Variants in KAZN observed in about 807,000 individuals in gnomAD.
KAZN encodes kazrin.
A neutral mutation model predicts 87.4 loss-of-function variants in KAZN; 40 were observed. The ratio of observed to expected loss-of-function variants is 0.46; its 90% CI spans 0.36 to 0.60. KAZN has a LOEUF of 0.60. KAZN is among the 20% of genes least tolerant of loss of function. The pLI is 0.00. For synonymous variants in KAZN, 466 were observed against 458.3 expected, an observed-to-expected ratio of 1.02 and a Z score of -0.22; for missense variants, 898 against 1,073.9, an observed-to-expected ratio of 0.84 and a Z score of 2.29.
chr1:14,151,357 C>T (rs1321258573), intron 1 of KAZN, among the ~76,000 whole-genome samples: 2 of 151,984 alleles, frequency 1.3e-5, no homozygotes, highest in Non-Finnish European at 2.9e-5. Flanking sequence ...AAGGCCATTT[C>T]TTAGCTGTTT....
rs79049640 is a variant in KAZN at position 13,900,206 on chromosome 1, A to G, written c.91+6450A>G. ...TCAGTGGGGAAAACAACTTATTCCAATAGTCCCTTGGGCTGATCAGACTGA... is the reference window on the plus strand; with the variant it reads ...TCAGTGGGGAAAACAACTTATTCCAGTAGTCCCTTGGGCTGATCAGACTGA... On this transcript the variant is annotated intron_variant, in intron 1 of 16. Transcript: ENST00000636203. 1.7e-4 allele frequency among the ~76,000 whole-genome samples: 26 copies of G among 152,236 alleles called. No individual in the cohort carries two copies. The East Asian group carries it at 4.8e-3, about 28-fold the overall frequency.
At chr1:14,881,173 A>T (rs955415933) in intron 1 of KAZN, among the ~76,000 whole-genome samples, 4 of 152,202 alleles carry the variant, frequency 2.6e-5, no homozygotes, top group African/African-American at 9.6e-5. Context: ...TGCTCCACAG[A>T]TTGTGCTCAG....
intron 2 of KAZN, among the ~76,000 whole-genome samples, chr1:15,002,784 T>C (rs1339244836): frequency 6.6e-6 from 1 of 151,926 alleles, no homozygotes; most frequent in Non-Finnish European, 1.5e-5. Flanking sequence ...GAGACCAGCC[T>C]ACCTAAAATG....
chr1:14,022,485 C>CAAAAAAAAAAAAAAAA (rs58713618), intron 1 of KAZN, among the ~76,000 whole-genome samples: 25 of 110,510 alleles, frequency 2.3e-4, no homozygotes, highest in East Asian at 1.4e-3. Flanking sequence ...GTATTTAAAG[C>CAAAAAAAAAAAAAAAA]AAAAAAAAAA....
chr1:14,587,153 G>A (rs1334003454), intron 2 of KAZN, among the ~76,000 whole-genome samples: 1 of 151,990 alleles, frequency 6.6e-6, no homozygotes, highest in Non-Finnish European at 1.5e-5. Context: ...TTGACAAAAG[G>A]GGCCAGGCGC....
intron 1 of KAZN, among the ~76,000 whole-genome samples, chr1:14,753,407 C>A (rs1426595960): frequency 1.3e-5 from 2 of 151,844 alleles, no homozygotes; most frequent in Non-Finnish European, 2.9e-5. Flanking sequence ...TTTCCATTCC[C>A]AGTTTGGTTT....
intron 1 of KAZN, among the ~76,000 whole-genome samples, chr1:14,053,526 C>G (rs1006964636): frequency 6.6e-6 from 1 of 152,188 alleles, no homozygotes; most frequent in African/African-American, 2.4e-5. Flanking sequence ...ACACTTTCCT[C>G]TGCTCAGCTG....
intron 2 of KAZN, among the ~76,000 whole-genome samples, chr1:14,572,276 C>G (rs149005767): frequency 1.3e-5 from 2 of 152,138 alleles, no homozygotes; most frequent in South Asian, 4.1e-4. Flanking sequence ...ATGCAGAGTC[C>G]GCTGGCACGG....
intron 2 of KAZN, among the ~76,000 whole-genome samples, chr1:14,195,211 C>A (rs1646502503): frequency 6.6e-6 from 1 of 152,030 alleles, no homozygotes; most frequent in African/African-American, 2.4e-5. Flanking sequence ...TAAGGCTGTT[C>A]CTTCTTCAAG....
chr1:14,646,327 CT>C (rs1335156851), intron 1 of KAZN, among the ~76,000 whole-genome samples: 5 of 152,220 alleles, frequency 3.3e-5, no homozygotes, highest in Non-Finnish European at 5.9e-5. Context: ...AGGAGGATCA[CT>C]TGAGTCTAGG....
intron 2 of KAZN, among the ~76,000 whole-genome samples, chr1:14,512,353 T>A (rs568471969): frequency 1.3e-5 from 2 of 152,216 alleles, no homozygotes; most frequent in East Asian, 3.9e-4. Flanking sequence ...GATGTCATTG[T>A]AGGATGTTTG....
At chr1:14,829,734 G>A (rs756576270) in intron 1 of KAZN, among the ~76,000 whole-genome samples, 1 of 152,210 alleles carries the variant, frequency 6.6e-6, no homozygotes, top group African/African-American at 2.4e-5. Flanking sequence ...TCAAAGAAGC[G>A]TGACAAATTT....
intron 1 of KAZN, among the ~76,000 whole-genome samples, chr1:14,149,757 G>A (rs915464032): frequency 2.0e-5 from 3 of 152,148 alleles, no homozygotes; most frequent in Non-Finnish European, 4.4e-5. Context: ...TGAGTCCATC[G>A]TGTTAGTCAA....
At chr1:15,060,639 G>A (rs1229103146) in intron 6 of KAZN, 1 of 308,252 alleles carries the variant, frequency 3.2e-6, no homozygotes, top group African/African-American at 2.1e-5. Flanking sequence ...CCAGAGCTCA[G>A]GGCCTCCCCA....
chr1:14,081,714 C>T (rs940751143), intron 1 of KAZN, among the ~76,000 whole-genome samples: 6 of 152,020 alleles, frequency 3.9e-5, no homozygotes, highest in African/African-American at 1.4e-4. Context: ...CTTGAGGACA[C>T]ATAGACACTT....
chr1:15,032,877 AGGCG>A lies in KAZN; in HGVS notation c.419-1870_419-1867del, dbSNP rs1261262858. ...GGCAGGAGAATCACTCGAACCCGGGAGGCGGAGATTGCAGTGAGCCGAAATCGCG... is the reference window on the plus strand; with the variant it reads ...GGCAGGAGAATCACTCGAACCCGGGAGAGATTGCAGTGAGCCGAAATCGCG... On this transcript the variant is annotated intron_variant, in intron 2 of 14. Transcript: ENST00000376030. Among the ~76,000 whole-genome samples, 7 of 151,690 alleles carry A rather than the reference AGGCG, an allele frequency of 4.6e-5. No homozygotes were observed. The East Asian group carries it at 1.2e-3, about 25-fold the overall frequency.
chr1:14,822,527 TG>T (rs1646763455), intron 1 of KAZN, among the ~76,000 whole-genome samples: 1 of 152,172 alleles, frequency 6.6e-6, no homozygotes. Context: ...AATTGGAGGC[TG>T]GGGAGCCGCC....
intron 2 of KAZN, among the ~76,000 whole-genome samples, chr1:14,514,962 G>A (rs942209061): frequency 6.6e-6 from 1 of 152,092 alleles, no homozygotes; most frequent in Non-Finnish European, 1.5e-5. Flanking sequence ...GACTTTTGCT[G>A]ATGTCATCAT....
intron 2 of KAZN, among the ~76,000 whole-genome samples, chr1:14,408,831 CAAAT>C (rs963097682): frequency 3.4e-4 from 51 of 150,606 alleles, no homozygotes; most frequent in African/African-American, 1.1e-3. Flanking sequence ...AACAAGTACA[CAAAT>C]AAATAATCAA....
Sources: gnomAD v4.1 joint callset for allele counts (sites outside exome capture counted in the v4.1 genomes callset) on GRCh38, gnomAD v4.1.1 for gene constraint, MANE v1.5 for transcripts, NCBI Gene and HGNC (gene_info 2026-07-23, HGNC 2026-07-21) for gene names.